Variants in CCDC83 observed in about 807,000 individuals in gnomAD.
CCDC83 encodes the protein coiled-coil domain containing 83, also known as coiled-coil domain-containing protein 83.
A neutral mutation model predicts 50.1 loss-of-function variants in CCDC83; 54 were observed. That is an observed-to-expected ratio of 1.08 (90% CI 0.87 to 1.35). CCDC83 has a LOEUF of 1.35. Ranked by LOEUF, CCDC83 falls within the 40% of genes most tolerant of loss-of-function variation. The pLI is 0.00. For missense variants in CCDC83, 518 were observed against 473.9 expected (o/e 1.09, Z -0.86); for synonymous variants, 161 against 153.3 (o/e 1.05, Z -0.37).
chr11:85,867,593 A>G (rs2093214844), intron 2 of CCDC83, among the ~76,000 whole-genome samples: 1 of 152,214 alleles, frequency 6.6e-6, no homozygotes, highest in Non-Finnish European at 1.5e-5. Flanking sequence ...ATTTCTCAAC[A>G]TAACTGAAAA....
intron 5 of CCDC83, among the ~76,000 whole-genome samples, chr11:85,893,783 T>A (rs1369350494): frequency 6.6e-6 from 1 of 152,216 alleles, no homozygotes; most frequent in East Asian, 1.9e-4. Context: ...ATCTAATGAC[T>A]AATGATCTGT....
intron 2 of CCDC83, 45 bp from the exon 3 acceptor site, chr11:85,873,166 C>T (rs1340588071): frequency 4.8e-6 from 5 of 1,035,362 alleles, no homozygotes; most frequent in African/African-American, 1.6e-5. Context: ...TTCTCATTTC[C>T]TAAGATAAAT....
intron 1 of CCDC83, among the ~76,000 whole-genome samples, chr11:85,855,859 T>C (rs896385560): frequency 6.6e-6 from 1 of 152,192 alleles, no homozygotes; most frequent in Non-Finnish European, 1.5e-5. Flanking sequence ...CTGAGTCTAG[T>C]GAATGCTTTC....
chr11:85,890,835 T>G (rs1290410718), intron 5 of CCDC83, among the ~76,000 whole-genome samples: 1 of 152,228 alleles, frequency 6.6e-6, no homozygotes, highest in Non-Finnish European at 1.5e-5. Context: ...CTGAACATAC[T>G]AATTACTCAT....
intron 10 of CCDC83, among the ~76,000 whole-genome samples, chr11:85,917,353 C>T (rs985725657): frequency 6.6e-6 from 1 of 152,114 alleles, no homozygotes; most frequent in East Asian, 1.9e-4. Context: ...TACATTGTCA[C>T]TTCCATCATA....
At chr11:85,900,493 A>T (rs1004509032) in intron 7 of CCDC83, among the ~76,000 whole-genome samples, 1 of 152,146 alleles carries the variant, frequency 6.6e-6, no homozygotes, top group Non-Finnish European at 1.5e-5. Context: ...GCCATACCAC[A>T]TACAGTCTCC....
rs112552143 is a variant in CCDC83 at position 85,916,052 on chromosome 11, C to T, written c.899C>T (p.Thr300Ile). 60 of 1,611,266 alleles carry T rather than the reference C, an allele frequency of 3.7e-5. No homozygotes were observed. The African/African-American group carries it at 6.5e-4, about 18-fold the overall frequency. ...GAAGAGAAGTCAGAATTGCAACCCA[C>T]AGAAGTAGAAAGTAGAGACTTGATG... Reference protein sequence around the residue: ...HIEEKSELQPTEVESRDLMSS... With the variant: ...HIEEKSELQPIEVESRDLMSS... The change falls in exon 10 of 11, where the codon ACA (threonine) becomes ATA (isoleucine). Residue 300 changes from threonine (T) to isoleucine (I), a missense_variant. Coordinates refer to ENST00000342404, the MANE Select transcript of CCDC83 (RefSeq NM_001286159.2).
At position 85,908,607 on chromosome 11, in the gene CCDC83, AT is replaced by A. The variant is rs879577167; in HGVS notation, c.673-2673del. On this transcript the variant is annotated intron_variant, in intron 7 of 10. Coordinates refer to ENST00000342404, the MANE Select transcript of CCDC83 (RefSeq NM_001286159.2). ...GATAGATAGATAGATAGATAGATAG[AT>A]AGACAGATAGAATTCATGGCCGGGT... is the stretch of plus-strand genomic sequence containing the variant. Among the ~76,000 whole-genome samples, 303 of 133,950 alleles carry A rather than the reference AT, an allele frequency of 2.3e-3. 1 individual carries two copies. The highest frequency in any genetic ancestry group is 3.0e-3 in the Non-Finnish European group (186 of 62,092). The allele number at this position is 133,950 out of a possible 152,430, so 87.9% of individuals were successfully genotyped here. A position where few individuals can be genotyped will look rare whatever the true frequency, so the allele number is the denominator to read the frequency against.
intron 2 of CCDC83, among the ~76,000 whole-genome samples, chr11:85,873,000 C>CA (rs150067941): frequency 0.015 from 2,078 of 140,328 alleles, 21 homozygotes; most frequent in African/African-American, 0.031. Flanking sequence ...ATTTTTTTTT[C>CA]AAAAAAAAAC....
intron 5 of CCDC83, among the ~76,000 whole-genome samples, chr11:85,892,336 T>G (rs1203103658): frequency 6.6e-6 from 1 of 152,182 alleles, no homozygotes; most frequent in Non-Finnish European, 1.5e-5. Flanking sequence ...TGCCCCACTT[T>G]CTTTGGCTGC....
intron 5 of CCDC83, among the ~76,000 whole-genome samples, chr11:85,893,543 C>T (rs2093359341): frequency 6.6e-6 from 1 of 152,224 alleles, no homozygotes; most frequent in African/African-American, 2.4e-5. Context: ...CCCAAGGCCA[C>T]AGGCCAAGAT....
chr11:85,858,646 T>C (rs2093156777), intron 1 of CCDC83, among the ~76,000 whole-genome samples: 2 of 152,192 alleles, frequency 1.3e-5, no homozygotes. Flanking sequence ...TTCAATGATC[T>C]TGGAACTTCT....
chr11:85,888,847 T>C (rs2093338960), intron 5 of CCDC83, among the ~76,000 whole-genome samples: 1 of 152,238 alleles, frequency 6.6e-6, no homozygotes, highest in Admixed American at 6.5e-5. Context: ...ATACTTTTAT[T>C]TCTCATATAT....
chr11:85,874,262 G>C (rs143975442), intron 3 of CCDC83, among the ~76,000 whole-genome samples: 1 of 152,202 alleles, frequency 6.6e-6, no homozygotes, highest in Non-Finnish European at 1.5e-5. Context: ...CAGAAGCTCA[G>C]TTTGGCCTGG....
chr11:85,904,765 T>C (rs998083631), intron 7 of CCDC83, among the ~76,000 whole-genome samples: 5 of 152,196 alleles, frequency 3.3e-5, no homozygotes, highest in Non-Finnish European at 7.3e-5. Context: ...CTTTTTACCA[T>C]CTGCCCAGAC....
chr11:85,903,447 A>T (rs536257340), intron 7 of CCDC83, among the ~76,000 whole-genome samples: 1 of 149,538 alleles, frequency 6.7e-6, no homozygotes, highest in East Asian at 2.0e-4. Flanking sequence ...GGCACATGCC[A>T]CCACGTTCCA....
intron 3 of CCDC83, among the ~76,000 whole-genome samples, chr11:85,879,863 G>A (rs1035983006): frequency 1.3e-5 from 2 of 152,070 alleles, no homozygotes; most frequent in East Asian, 1.9e-4. Context: ...TGATCCGCTC[G>A]CCTCAGCCTC....
chr11:85,894,820 T>G (rs2093365264), intron 5 of CCDC83, among the ~76,000 whole-genome samples: 2 of 152,342 alleles, frequency 1.3e-5, no homozygotes, highest in African/African-American at 4.8e-5. Flanking sequence ...TAAAGCAGCC[T>G]TGCTGTCACA....
intron 4 of CCDC83, among the ~76,000 whole-genome samples, chr11:85,884,918 T>C (rs1336219354): frequency 6.6e-6 from 1 of 152,164 alleles, no homozygotes; most frequent in East Asian, 1.9e-4. Context: ...ATTTTAAATA[T>C]AGTATCTTGT....
Sources: allele counts gnomAD v4.1 joint callset (sites outside exome capture counted in the v4.1 genomes callset), GRCh38; gene constraint gnomAD v4.1.1; transcripts MANE v1.5; gene names NCBI Gene and HGNC (gene_info 2026-07-23, HGNC 2026-07-21).